Variants in TUBE1 observed in about 807,000 individuals in gnomAD.
TUBE1 encodes the protein tubulin epsilon 1, also known as tubulin epsilon chain.
A neutral mutation model predicts 53.5 loss-of-function variants in TUBE1; 34 were observed. The observed-to-expected ratio is 0.64, with a 90% CI of 0.48 to 0.85. The LOEUF (loss-of-function observed/expected upper bound fraction) is 0.85, where lower values mean the gene tolerates loss of function less well. Among genes scored for constraint, TUBE1 ranks in the 40% least tolerant of loss-of-function variants. The pLI, the probability that TUBE1 is intolerant of heterozygous loss-of-function variation, is 0.00. For missense variants in TUBE1, 532 were observed against 570.5 expected (o/e 0.93, Z 0.69); for synonymous variants, 177 against 198.4 (o/e 0.89, Z 0.91).
Position 112,072,800 on chromosome 6 carries a change from C to T in TUBE1, c.1052G>A (p.Arg351Lys). Residue 351 changes from arginine to lysine, a missense_variant, in exon 10 of 12, where the codon AGA becomes AAA. Transcript: ENST00000368662. ...SLYLACALMV[R>K]GNVQISDLRR... Reference sequence around the variant, plus strand: ...AAGATCTGAAATTTGTACATTTCCTCTAACCATGAGTGCACAGGCGAGGTA... The same window carrying T: ...AAGATCTGAAATTTGTACATTTCCTTTAACCATGAGTGCACAGGCGAGGTA... 1 of 1,613,460 alleles carries T rather than the reference C, an allele frequency of 6.2e-7. No homozygotes were observed. Among genetic ancestry groups the T allele is most frequent in the Non-Finnish European group, 8.5e-7 (1 of 1,179,564 alleles).
At position 112,076,339 on chromosome 6, in the gene TUBE1, A is replaced by C; in HGVS notation, c.619T>G (p.Leu207Val). 1 of 1,589,862 alleles carries C rather than the reference A, an allele frequency of 6.3e-7. No individual in the cohort carries two copies. Among genetic ancestry groups the C allele is most frequent in the Non-Finnish European group, 8.6e-7 (1 of 1,169,264 alleles). The part of the protein sequence containing the change: ...KELNEHADCV[L>V]PIDNQSLFDI... ...TTTCTTACTTGATTGTCAATGGGCA[A>C]TACACAGTCTGCATGCTCATTAAGT... Residue 207 changes from leucine to valine, a missense_variant, in exon 7 of 12, where the codon TTG becomes GTG. Coordinates refer to ENST00000368662, the MANE Select transcript of TUBE1 (RefSeq NM_016262.5).
At chr6:112,080,042 G>GTACA (rs1299431622) in intron 5 of TUBE1, among the ~76,000 whole-genome samples, 4 of 151,824 alleles carry the variant, frequency 2.6e-5, no homozygotes, top group African/African-American at 9.6e-5. Flanking sequence ...TTCTCTTAAG[G>GTACA]TACAATTCCA....
At chr6:112,087,011 A>G in intron 2 of TUBE1, 1 of 562,006 alleles carries the variant, frequency 1.8e-6, no homozygotes, top group Non-Finnish European at 3.1e-6. Context: ...TAAAGAGGAG[A>G]CCCTGAGAAT....
Position 112,071,960 on chromosome 6 carries a change from C to T in TUBE1, c.1211G>A (p.Cys404Tyr), listed in dbSNP as rs782076588. ...HSLLALANNT[C>Y]VKPTFMELKE... ...CAGTTCCATGAAGGTGGGCTTCACACATGTGTTATTTGCTAAAGCTAATAA... is the reference window on the plus strand; with the variant it reads ...CAGTTCCATGAAGGTGGGCTTCACATATGTGTTATTTGCTAAAGCTAATAA... The change falls in exon 11 of 12, where the codon TGT (cysteine) becomes TAT (tyrosine). Residue 404 changes from cysteine to tyrosine, a missense_variant. By Grantham distance (194) the Cys-to-Tyr change is radical (BLOSUM62 -2). Coordinates refer to ENST00000368662, the MANE Select transcript of TUBE1 (RefSeq NM_016262.5). The T allele has an allele frequency of 5.6e-6, 9 of 1,612,290 alleles. No individual in the cohort carries two copies. Among genetic ancestry groups the T allele is most frequent in the South Asian group, 3.3e-5 (3 of 90,898 alleles).
chr6:112,076,902 T>C (rs1776980639), intron 6 of TUBE1: 1 of 153,662 alleles, frequency 6.5e-6, no homozygotes, highest in Non-Finnish European at 1.4e-5. Context: ...TTTCAGCTTA[T>C]TTCTGTGATT....
chr6:112,077,440 T>C (rs905100955), intron 6 of TUBE1: 1 of 151,584 alleles, frequency 6.6e-6, no homozygotes, highest in Non-Finnish European at 1.5e-5. Context: ...GAACTATTAG[T>C]AGGCTATGAA....
rs781954531 is a variant in TUBE1 at position 112,081,133 on chromosome 6, C to T, written c.285G>A (p.Thr95=). ...LQGPLRDVFD[T]KQLITDISGS... Reference sequence around the variant, plus strand: ...CAGAAATATCAGTGATGAGCTGTTTCGTATCAAATACATCTCTCAGTGGTC... The same window carrying T: ...CAGAAATATCAGTGATGAGCTGTTTTGTATCAAATACATCTCTCAGTGGTC... Residue 95 remains threonine (T), a synonymous_variant, in exon 5 of 12, where the codon ACG becomes ACA. Transcript: ENST00000368662. 26 of 1,607,000 alleles carry T rather than the reference C, an allele frequency of 1.6e-5. No homozygotes were observed. Among genetic ancestry groups the T allele is most frequent in the East Asian group, 6.7e-5 (3 of 44,590 alleles).
chr6:112,079,108 T>A (rs782463355), intron 6 of TUBE1, among the ~76,000 whole-genome samples: 2 of 152,084 alleles, frequency 1.3e-5, no homozygotes, highest in African/African-American at 4.8e-5. Flanking sequence ...AGTTGATTAA[T>A]TGCCATGTAA....
intron 9 of TUBE1, among the ~76,000 whole-genome samples, chr6:112,073,802 G>A (rs587724694): frequency 2.6e-4 from 40 of 152,296 alleles, no homozygotes; most frequent in African/African-American, 9.6e-4. Context: ...GACAGGGTCT[G>A]TCTTCCTTTG....
chr6:112,079,861 T>A, intron 5 of TUBE1, 107 bp from the exon 6 acceptor site: 1 of 1,060,628 alleles, frequency 9.4e-7, no homozygotes, highest in Non-Finnish European at 1.4e-6. Flanking sequence ...AGTATTCTTA[T>A]TGAGCTAAGT....
At chr6:112,081,556 A>G in intron 4 of TUBE1, among the ~76,000 whole-genome samples, 1 of 152,142 alleles carries the variant, frequency 6.6e-6, no homozygotes, top group East Asian at 1.9e-4. Context: ...GCATGAATGT[A>G]CTTGCATACT....
At chr6:112,072,419 G>C (rs782067158) in intron 10 of TUBE1, among the ~76,000 whole-genome samples, 32 of 152,040 alleles carry the variant, frequency 2.1e-4, no homozygotes, top group Non-Finnish European at 1.8e-4. Flanking sequence ...CTTACAAATA[G>C]AATGAAATAG....
At chr6:112,083,456 C>T (rs1281601630) in intron 4 of TUBE1, among the ~76,000 whole-genome samples, 2 of 151,776 alleles carry the variant, frequency 1.3e-5, no homozygotes, top group Non-Finnish European at 2.9e-5. Flanking sequence ...GCAGCTAGGA[C>T]TACAGGTGCC....
chr6:112,081,944 G>A (rs1273439943), intron 4 of TUBE1, among the ~76,000 whole-genome samples: 4 of 151,802 alleles, frequency 2.6e-5, no homozygotes, highest in African/African-American at 9.7e-5. Context: ...GAGTAAAAAA[G>A]TAAACTAAGT....
Position 112,075,946 on chromosome 6 carries a change from T to C in TUBE1, c.803A>G (p.Asn268Ser), listed in dbSNP as rs200736422. 3.0e-5 allele frequency: 48 copies of C among 1,610,272 alleles called. No individual in the cohort carries two copies. Among genetic ancestry groups the C allele is most frequent in the African/African-American group, 2.9e-4 (22 of 74,952 alleles). ...MNNIVANLLLNLTSSARFEGS... is the reference protein window; with the variant it reads ...MNNIVANLLLSLTSSARFEGS... ...CCCTGGATAGAATTACCTCGTTAGG[T>C]TGAGGAGCAAATTTGCCACAATGTT... The change falls in exon 8 of 12, where the codon AAC becomes AGC. Residue 268 changes from asparagine to serine, a missense_variant. Transcript: ENST00000368662.
chr6:112,072,722 G>A, intron 10 of TUBE1, 36 bp downstream of exon 10: 1 of 1,604,510 alleles, frequency 6.2e-7, no homozygotes, highest in Non-Finnish European at 8.5e-7. Context: ...GTCCCAAGCA[G>A]CACACACAAA....
rs782195572 is a variant in TUBE1, at chr6:112,071,953, C to T, written c.1218G>A (p.Lys406=). Residue 406 remains lysine, a synonymous_variant, in exon 11 of 12, where the codon AAG becomes AAA. Coordinates refer to ENST00000368662, the MANE Select transcript of TUBE1 (RefSeq NM_016262.5). ...TCTCTTTCAGTTCCATGAAGGTGGG[C>T]TTCACACATGTGTTATTTGCTAAAG... ...LLALANNTCV[K]PTFMELKERF... The T allele has an allele frequency of 6.2e-7, 1 of 1,611,772 alleles. No individual in the cohort carries two copies. The highest frequency in any genetic ancestry group is 8.5e-7 in the Non-Finnish European group (1 of 1,179,316).
chr6:112,075,090 A>C (rs1396926135), intron 8 of TUBE1: 1 of 190,690 alleles, frequency 5.2e-6, no homozygotes, highest in African/African-American at 2.7e-5. Context: ...TTTTTGAGAC[A>C]GGGTCTCGCT....
At chr6:112,084,168 A>G (rs1554317071) in intron 4 of TUBE1, 21 bp downstream of exon 4, 2 of 1,562,878 alleles carry the variant, frequency 1.3e-6, no homozygotes, top group Middle Eastern at 1.7e-4. Flanking sequence ...TAATATAAGA[A>G]TCCAAGCATA....
Sources: allele counts gnomAD v4.1 joint callset (sites outside exome capture counted in the v4.1 genomes callset), GRCh38; gene constraint gnomAD v4.1.1; transcripts MANE v1.5; gene names NCBI Gene and HGNC (gene_info 2026-07-23, HGNC 2026-07-21).